Variants in RIMS2 observed in about 807,000 individuals in gnomAD.
RIMS2 encodes the protein regulating synaptic membrane exocytosis protein 2.
A neutral mutation model predicts 174.4 loss-of-function variants in RIMS2; 59 were observed. The observed-to-expected ratio is 0.34, with a 90% confidence interval of 0.27 to 0.42. The LOEUF is 0.42. Among genes scored for constraint, RIMS2 ranks in the 10% least tolerant of loss-of-function variants. The probability of loss-of-function intolerance (pLI) is 1.00; values close to 1 mark genes in which losing one functional copy is unlikely to be tolerated. For missense variants in RIMS2, 1,620 were observed against 1,666.3 expected, an observed-to-expected ratio of 0.97 and a Z score of 0.48; for synonymous variants, 606 against 572.5, an observed-to-expected ratio of 1.06 and a Z score of -0.84.
intron 1 of RIMS2, among the ~76,000 whole-genome samples, chr8:103,609,773 A>T (rs1054786381): frequency 7.9e-5 from 12 of 152,056 alleles, no homozygotes; most frequent in African/African-American, 2.7e-4. Context: ...TGTTGCTTTC[A>T]GTTTTGTTCT....
At chr8:104,095,892 G>A (rs754795905) in intron 19 of RIMS2, among the ~76,000 whole-genome samples, 8 of 152,012 alleles carry the variant, frequency 5.3e-5, no homozygotes, top group Non-Finnish European at 8.8e-5. Context: ...CAGTGATTTA[G>A]CCGATGTCCC....
intron 3 of RIMS2, among the ~76,000 whole-genome samples, chr8:103,815,366 T>C (rs936218958): frequency 2.6e-5 from 4 of 152,208 alleles, no homozygotes; most frequent in Non-Finnish European, 5.9e-5. Flanking sequence ...ATTGAACTTA[T>C]TCAAGTGTTG....
chr8:103,783,881 C>T (rs1419639254), intron 3 of RIMS2, among the ~76,000 whole-genome samples: 1 of 152,046 alleles, frequency 6.6e-6, no homozygotes. Context: ...TACAGACCCA[C>T]CAACAGTGTA....
At chr8:104,046,762 T>G (rs2096703643) in intron 19 of RIMS2, among the ~76,000 whole-genome samples, 1 of 152,024 alleles carries the variant, frequency 6.6e-6, no homozygotes. Flanking sequence ...GGCTCAGTCA[T>G]GAAAACCTTA....
At chr8:104,226,268 A>G (rs1056286999) in intron 19 of RIMS2, among the ~76,000 whole-genome samples, 1 of 152,204 alleles carries the variant, frequency 6.6e-6, no homozygotes, top group Admixed American at 6.5e-5. Context: ...TCAGTAAGCC[A>G]GTCTGATTTT....
At chr8:103,926,172 G>A (rs2154530636) in intron 10 of RIMS2, among the ~76,000 whole-genome samples, 1 of 151,504 alleles carries the variant, frequency 6.6e-6, no homozygotes, top group Non-Finnish European at 1.5e-5. Context: ...AAAATATTCT[G>A]TAACGTTAAT....
chr8:103,563,151 A>G (rs1331745508), intron 1 of RIMS2, among the ~76,000 whole-genome samples: 6 of 152,186 alleles, frequency 3.9e-5, no homozygotes, highest in Admixed American at 2.6e-4. Context: ...ATTAACATTC[A>G]GCTCCCTGTT....
rs557533416 is a variant in RIMS2, at chr8:104,144,371, CTA to C, written c.3335-100543_3335-100542del. Among the ~76,000 whole-genome samples the C allele has an allele frequency of 6.6e-4, 101 of 152,230 alleles. 1 individual carries two copies. The highest frequency in any genetic ancestry group is 4.0e-3 in the Admixed American group (61 of 15,286). ...CGAACACCCTATATCAACACTCAATCTATTGTGTAGTAATCTGTTAGGATTAG... is the reference window on the plus strand; with the variant it reads ...CGAACACCCTATATCAACACTCAATCTTGTGTAGTAATCTGTTAGGATTAG... On this transcript the variant is annotated intron_variant, in intron 19 of 23. Coordinates refer to ENST00000504942, the Ensembl canonical transcript of RIMS2.
At chr8:104,032,461 A>T (rs996352965) in intron 19 of RIMS2, among the ~76,000 whole-genome samples, 6 of 152,178 alleles carry the variant, frequency 3.9e-5, no homozygotes, top group Admixed American at 1.3e-4. Context: ...AATGACCTTA[A>T]GCAGTAGGAT....
At chr8:103,822,784 A>G (rs956243653) in intron 3 of RIMS2, among the ~76,000 whole-genome samples, 5 of 151,916 alleles carry the variant, frequency 3.3e-5, no homozygotes, top group East Asian at 1.9e-4. Context: ...ATTTTTTGTT[A>G]TCAAGTTTTC....
At chr8:104,009,579 G>A (rs1289530748) in intron 17 of RIMS2, among the ~76,000 whole-genome samples, 3 of 152,108 alleles carry the variant, frequency 2.0e-5, no homozygotes, top group East Asian at 1.9e-4. Flanking sequence ...ACAGACATGA[G>A]CCACTGTGTC....
intron 19 of RIMS2, among the ~76,000 whole-genome samples, chr8:104,091,268 G>C (rs1391241232): frequency 6.6e-6 from 1 of 151,578 alleles, no homozygotes; most frequent in Non-Finnish European, 1.5e-5. Flanking sequence ...TTTTCCATTT[G>C]AATTTAGATG....
intron 16 of RIMS2, among the ~76,000 whole-genome samples, chr8:103,985,244 G>A (rs1185457750): frequency 6.6e-6 from 1 of 152,034 alleles, no homozygotes; most frequent in Non-Finnish European, 1.5e-5. Context: ...GGGAGGCCAA[G>A]GCAGATGGAT....
rs559466281 is a variant in RIMS2 at position 103,951,892 on chromosome 8, C to T, written c.2701+8966C>T. Among the ~76,000 whole-genome samples, 3 of 152,200 alleles carry T rather than the reference C, an allele frequency of 2.0e-5. No homozygotes were observed. The South Asian group carries it at 6.2e-4, about 31-fold the overall frequency. ...TGCTTGCACAGCAGTCTGAGTTCTA[C>T]CTGGGACGCTTGAGCTTGGTGTGGG... is the stretch of plus-strand genomic sequence containing the variant. On this transcript the variant is annotated intron_variant, in intron 14 of 23. Transcript: ENST00000504942.
At chr8:103,572,473 C>G (rs1453665542) in intron 1 of RIMS2, among the ~76,000 whole-genome samples, 1 of 152,090 alleles carries the variant, frequency 6.6e-6, no homozygotes, top group Non-Finnish European at 1.5e-5. Flanking sequence ...TTTACAAACT[C>G]AAGCTGCTTT....
At chr8:103,858,786 A>G (rs1034922610) in intron 3 of RIMS2, among the ~76,000 whole-genome samples, 3 of 151,912 alleles carry the variant, frequency 2.0e-5, no homozygotes. Context: ...ATACAACAAA[A>G]TAGTATACAG....
intron 2 of RIMS2, among the ~76,000 whole-genome samples, chr8:103,730,429 GTTT>G (rs2138859667): frequency 6.6e-6 from 1 of 152,100 alleles, no homozygotes; most frequent in African/African-American, 2.4e-5. Flanking sequence ...TCTTTTTATA[GTTT>G]TTGTCTTGAA....
intron 1 of RIMS2, among the ~76,000 whole-genome samples, chr8:103,618,650 G>C (rs1338470070): frequency 6.6e-6 from 1 of 152,074 alleles, no homozygotes; most frequent in African/African-American, 2.4e-5. Context: ...TTCCTCTAGA[G>C]AAAGTATTCC....
At chr8:103,955,385 C>G (rs575499209) in intron 14 of RIMS2, among the ~76,000 whole-genome samples, 1 of 152,126 alleles carries the variant, frequency 6.6e-6, no homozygotes, top group Non-Finnish European at 1.5e-5. Context: ...AGCAGCACAT[C>G]AAGAAGGTTG....
Sources: allele counts gnomAD v4.1 joint callset (sites outside exome capture counted in the v4.1 genomes callset), GRCh38; gene constraint gnomAD v4.1.1; transcripts MANE v1.5; gene names NCBI Gene and HGNC (gene_info 2026-07-23, HGNC 2026-07-21).